Variants in PFDN1 observed in about 807,000 individuals in gnomAD.
The protein encoded by PFDN1 is prefoldin subunit 1.
Under a neutral mutation model 17.3 loss-of-function variants are expected in PFDN1, and 6 were observed. That is an observed-to-expected ratio of 0.35 (90% confidence interval 0.19 to 0.69). The LOEUF (loss-of-function observed/expected upper bound fraction) is 0.69. Ranked by LOEUF, PFDN1 falls within the 30% of genes least tolerant of loss-of-function variation. PFDN1 has a pLI of 0.65. For missense variants in PFDN1, 113 were observed against 146.2 expected, an observed-to-expected ratio of 0.77 and a Z score of 1.17; for synonymous variants, 58 against 50.1, an observed-to-expected ratio of 1.16 and a Z score of -0.67.
chr5:140,277,808 A>C (rs182443591), intron 3 of PFDN1, among the ~76,000 whole-genome samples: 4 of 152,320 alleles, frequency 2.6e-5, no homozygotes, highest in Admixed American at 1.3e-4. Flanking sequence ...AGACATAGAC[A>C]AGTAAAAACA....
intron 1 of PFDN1, among the ~76,000 whole-genome samples, chr5:140,301,431 C>T (rs1041424259): frequency 4.7e-4 from 72 of 152,292 alleles, no homozygotes; most frequent in Middle Eastern, 3.4e-3. Context: ...ATGACTTTCA[C>T]ATGCTGTTAA....
At position 140,262,610 on chromosome 5, in the gene PFDN1, G is replaced by A. The variant is rs1012927015; in HGVS notation, c.286-16553C>T. Reference sequence around the variant, plus strand: ...GCTTCATATGGAATGAAAAAAACAAGTTGTTGAAAGATATAAACAACACGG... The same window carrying A: ...GCTTCATATGGAATGAAAAAAACAAATTGTTGAAAGATATAAACAACACGG... On this transcript the variant is annotated intron_variant, in intron 3 of 3. Transcript: ENST00000261813. 30 of 454,442 alleles carry A rather than the reference G, an allele frequency of 6.6e-5. No homozygotes were observed. The East Asian group carries it at 2.1e-3, about 32-fold the overall frequency. The allele number at this position is 454,442 out of a possible 1,614,324, so 28.2% of individuals were successfully genotyped here. A position where few individuals can be genotyped will look rare whatever the true frequency, so the allele number is the denominator to read the frequency against.
At chr5:140,298,758 C>CT (rs919204762) in intron 2 of PFDN1, among the ~76,000 whole-genome samples, 162 of 145,174 alleles carry the variant, frequency 1.1e-3, no homozygotes, top group East Asian at 7.0e-3. Flanking sequence ...GTATTTTTTA[C>CT]TTTTTTTTTT....
intron 3 of PFDN1, among the ~76,000 whole-genome samples, chr5:140,267,633 G>A (rs1214136736): frequency 6.6e-6 from 1 of 152,098 alleles, no homozygotes; most frequent in African/African-American, 2.4e-5. Context: ...CAGTAGCCAG[G>A]GCTGGCCTTA....
At chr5:140,267,585 C>T (rs1216820537) in intron 3 of PFDN1, among the ~76,000 whole-genome samples, 1 of 152,160 alleles carries the variant, frequency 6.6e-6, no homozygotes, top group African/African-American at 2.4e-5. Context: ...GTTCTTTTTG[C>T]CCTTTCTCCC....
chr5:140,295,401 A>G (rs1765637173), intron 2 of PFDN1, among the ~76,000 whole-genome samples: 1 of 152,190 alleles, frequency 6.6e-6, no homozygotes, highest in South Asian at 2.1e-4. Flanking sequence ...ATAACATTTA[A>G]GATTTGTCTA....
At position 140,293,864 on chromosome 5, in the gene PFDN1, C is replaced by T. The variant is rs764674679; in HGVS notation, c.200+6552G>A. Among the ~76,000 whole-genome samples, 277 of 152,132 alleles carry T rather than the reference C, an allele frequency of 1.8e-3. 1 individual carries two copies. The highest frequency in any genetic ancestry group is 3.4e-3 in the Non-Finnish European group (231 of 67,924). On this transcript the variant is annotated intron_variant, in intron 2 of 3. Coordinates refer to ENST00000261813, the MANE Select transcript of PFDN1 (RefSeq NM_002622.5). ...GGGTTATATACATATTCAGCGTCAA[C>T]AAAACTTAAGTCATTTTTCCCTGCA...
chr5:140,296,973 C>G (rs1285424196), intron 2 of PFDN1, among the ~76,000 whole-genome samples: 1 of 152,068 alleles, frequency 6.6e-6, no homozygotes, highest in Admixed American at 6.6e-5. Context: ...CTGTGGACAA[C>G]AGAGGATGAA....
At chr5:140,296,376 A>T (rs1765653613) in intron 2 of PFDN1, among the ~76,000 whole-genome samples, 2 of 152,302 alleles carry the variant, frequency 1.3e-5, no homozygotes, top group South Asian at 4.1e-4. Flanking sequence ...ATATATATAC[A>T]TGGTCTCCCA....
In PFDN1 at chr5:140,245,140, G is replaced by A. The variant is rs1764808562; in HGVS notation, c.*834C>T. ...GCAAATTTACATAATTATAATGGCT[G>A]TGTTTGACAACTGGCTTGCAACAAA... On this transcript the variant is annotated 3_prime_UTR_variant, in exon 4 of 4. Transcript: ENST00000261813. 1 of 268,042 alleles carries A rather than the reference G, an allele frequency of 3.7e-6. No homozygotes were observed. Among genetic ancestry groups the A allele is most frequent in the African/African-American group, 2.2e-5 (1 of 45,348 alleles). The allele number at this position is 268,042 out of a possible 1,614,324, so 16.6% of individuals were successfully genotyped here.
At chr5:140,288,747 G>A (rs1482549861) in intron 2 of PFDN1, among the ~76,000 whole-genome samples, 2 of 152,132 alleles carry the variant, frequency 1.3e-5, no homozygotes, top group Non-Finnish European at 2.9e-5. Flanking sequence ...CACTTGGGGA[G>A]GCCAAGGCGG....
At chr5:140,282,495 T>C (rs565988107) in intron 2 of PFDN1, among the ~76,000 whole-genome samples, 69 of 152,068 alleles carry the variant, frequency 4.5e-4, no homozygotes, top group Admixed American at 3.3e-3. Flanking sequence ...AGTGTTTATA[T>C]GAGTTCCTCA....
chr5:140,287,132 A>G (rs1305269659), intron 2 of PFDN1, among the ~76,000 whole-genome samples: 2 of 152,228 alleles, frequency 1.3e-5, no homozygotes, highest in Non-Finnish European at 2.9e-5. Flanking sequence ...TTTGTTTCTC[A>G]CAGGAGATAC....
chr5:140,275,362 T>C (rs1347458920), intron 3 of PFDN1, among the ~76,000 whole-genome samples: 2 of 151,142 alleles, frequency 1.3e-5, no homozygotes, highest in African/African-American at 4.9e-5. Flanking sequence ...TGAGCCGAGA[T>C]TGCGCCACTG....
At chr5:140,297,559 G>A (rs1016289024) in intron 2 of PFDN1, among the ~76,000 whole-genome samples, 1 of 152,106 alleles carries the variant, frequency 6.6e-6, no homozygotes, top group African/African-American at 2.4e-5. Context: ...TAAAACAGAA[G>A]TCTGAAATCA....
At chr5:140,298,181 T>C (rs921033787) in intron 2 of PFDN1, among the ~76,000 whole-genome samples, 2 of 152,172 alleles carry the variant, frequency 1.3e-5, no homozygotes, top group Admixed American at 6.5e-5. Context: ...ACATTATTCA[T>C]TCTGAGAAAG....
In PFDN1 at chr5:140,281,522, T is replaced by A; in HGVS notation, c.212A>T (p.Gln71Leu). ...YEGVGRMFIL[Q>L]SKEAIHSQLL... ...CTGACTGTGAATTGCTTCCTTGGACTGAAGAATAAACCTATGAAACACAAG... is the reference window on the plus strand; with the variant it reads ...CTGACTGTGAATTGCTTCCTTGGACAGAAGAATAAACCTATGAAACACAAG... Residue 71 changes from glutamine to leucine, a missense_variant, in exon 3 of 4, where the codon CAG (glutamine) becomes CTG (leucine). Transcript: ENST00000261813. The A allele has an allele frequency of 6.4e-7, 1 of 1,572,426 alleles. No individual in the cohort carries two copies. Among genetic ancestry groups the A allele is most frequent in the Non-Finnish European group, 8.7e-7 (1 of 1,142,990 alleles).
intron 3 of PFDN1, among the ~76,000 whole-genome samples, chr5:140,266,994 G>A (rs1765142250): frequency 6.6e-6 from 1 of 152,198 alleles, no homozygotes. Context: ...TTAAATGCAG[G>A]TGTACTGGAA....
intron 2 of PFDN1, among the ~76,000 whole-genome samples, chr5:140,292,127 A>T (rs1372970471): frequency 6.6e-6 from 1 of 152,188 alleles, no homozygotes; most frequent in African/African-American, 2.4e-5. Flanking sequence ...GTATTCTGGT[A>T]AGTAAGCACC....
Sources: gnomAD v4.1 joint callset for allele counts (sites outside exome capture counted in the v4.1 genomes callset) on GRCh38, gnomAD v4.1.1 for gene constraint, MANE v1.5 for transcripts, NCBI Gene and HGNC (gene_info 2026-07-23, HGNC 2026-07-21) for gene names.